Variants in STX18 observed in about 807,000 individuals in gnomAD.
The protein encoded by STX18 is syntaxin 18, also known as syntaxin-18.
STX18 carries 40 observed loss-of-function variants against 50.1 expected under a neutral mutation model. The observed-to-expected ratio is 0.80, with a 90% CI of 0.62 to 1.04. The LOEUF is 1.04. STX18 is among the 50% of genes least tolerant of loss of function. The pLI is 0.00. For missense variants in STX18, 410 were observed against 415.8 expected, an observed-to-expected ratio of 0.99 and a Z score of 0.12; for synonymous variants, 158 against 151.8, an observed-to-expected ratio of 1.04 and a Z score of -0.30.
chr4:4,441,784 G>C (rs977743667), intron 5 of STX18, among the ~76,000 whole-genome samples: 2 of 152,102 alleles, frequency 1.3e-5, no homozygotes, highest in African/African-American at 4.8e-5. Context: ...AAGCAAGAAT[G>C]GTCAGAAAAA....
intron 5 of STX18, among the ~76,000 whole-genome samples, chr4:4,448,143 G>A (rs1256445568): frequency 6.6e-6 from 1 of 152,120 alleles, no homozygotes; most frequent in East Asian, 1.9e-4. Context: ...AGACTGACCT[G>A]ATGCCCTCCC....
At chr4:4,458,787 A>G (rs1001606656) in intron 3 of STX18, among the ~76,000 whole-genome samples, 32 of 150,822 alleles carry the variant, frequency 2.1e-4, no homozygotes, top group African/African-American at 7.9e-4. Flanking sequence ...AGACAAAAAA[A>G]CAAGGCCCAG....
At chr4:4,505,623 T>TAA (rs56034157) in intron 1 of STX18, among the ~76,000 whole-genome samples, 1,830 of 135,040 alleles carry the variant, frequency 0.014, 16 homozygotes, top group Non-Finnish European at 0.02. Flanking sequence ...CTGCTAAAAA[T>TAA]AAAAAAAAAA....
At chr4:4,489,870 A>G (rs1274431328) in intron 1 of STX18, among the ~76,000 whole-genome samples, 1 of 152,218 alleles carries the variant, frequency 6.6e-6, no homozygotes, top group Non-Finnish European at 1.5e-5. Flanking sequence ...TTTTCATTCT[A>G]CATGAGTTCT....
intron 5 of STX18, among the ~76,000 whole-genome samples, chr4:4,440,501 G>A (rs188959038): frequency 9.2e-5 from 14 of 152,268 alleles, no homozygotes; most frequent in African/African-American, 3.4e-4. Flanking sequence ...CTCCATGTGG[G>A]GTATATTCTA....
At chr4:4,465,281 A>C (rs1443199887) in intron 2 of STX18, among the ~76,000 whole-genome samples, 3 of 152,208 alleles carry the variant, frequency 2.0e-5, no homozygotes, top group African/African-American at 7.2e-5. Context: ...TTCTATTATA[A>C]AGACACATGG....
intron 1 of STX18, among the ~76,000 whole-genome samples, chr4:4,472,355 A>C (rs1445760202): frequency 1.3e-5 from 2 of 152,216 alleles, no homozygotes; most frequent in Non-Finnish European, 2.9e-5. Flanking sequence ...ACAAATAAAT[A>C]AAAAGTGGTG....
intron 6 of STX18, chr4:4,437,568 A>G: frequency 1.0e-6 from 1 of 975,838 alleles, no homozygotes; most frequent in Non-Finnish European, 1.2e-6. Context: ...TTCAGATAAG[A>G]GATACTCAAC....
chr4:4,532,608 T>C lies in STX18; in HGVS notation c.168+9189A>G, dbSNP rs1330803577. Among the ~76,000 whole-genome samples, 4 of 152,262 alleles carry C rather than the reference T, an allele frequency of 2.6e-5. 1 individual carries two copies. Among genetic ancestry groups the C allele is most frequent in the Middle Eastern group, 6.8e-3 (2 of 294 alleles). On this transcript the variant is annotated intron_variant, in intron 1 of 10. Transcript: ENST00000306200. ...AGTACTGAGTCATGCAACCATCTCA[T>C]TGAAAAGGTCCTTATGGATTATCTA...
intron 6 of STX18, among the ~76,000 whole-genome samples, chr4:4,435,305 G>A (rs918347568): frequency 9.9e-5 from 15 of 151,740 alleles, no homozygotes; most frequent in African/African-American, 2.9e-4. Flanking sequence ...TATATATACA[G>A]GAAGTGATAT....
chr4:4,486,401 T>G (rs1728701172), intron 1 of STX18, among the ~76,000 whole-genome samples: 1 of 152,216 alleles, frequency 6.6e-6, no homozygotes, highest in Non-Finnish European at 1.5e-5. Flanking sequence ...AAGAAAAGAA[T>G]TACCTTGACA....
intron 1 of STX18, among the ~76,000 whole-genome samples, chr4:4,500,414 A>G (rs532819538): frequency 3.3e-5 from 5 of 152,324 alleles, no homozygotes; most frequent in African/African-American, 9.6e-5. Flanking sequence ...CCAAAACAGT[A>G]TAACAACTAT....
intron 2 of STX18, among the ~76,000 whole-genome samples, chr4:4,461,013 T>C (rs1304750980): frequency 6.6e-6 from 1 of 152,064 alleles, no homozygotes; most frequent in East Asian, 1.9e-4. Flanking sequence ...GTCAGAAAGG[T>C]ACCAACTCAG....
intron 8 of STX18, among the ~76,000 whole-genome samples, chr4:4,424,737 C>G (rs1025576848): frequency 6.6e-6 from 1 of 152,226 alleles, no homozygotes; most frequent in African/African-American, 2.4e-5. Context: ...TTCTGCATTC[C>G]TGACTCCCTG....
intron 5 of STX18, among the ~76,000 whole-genome samples, chr4:4,444,700 G>C (rs7666489): frequency 0.31 from 47,059 of 151,942 alleles, 9,175 homozygotes; most frequent in African/African-American, 0.56. Flanking sequence ...TGAGTTCCAT[G>C]AGTTCTTCTA....
At chr4:4,537,687 C>A (rs963051269) in intron 1 of STX18, among the ~76,000 whole-genome samples, 2 of 152,204 alleles carry the variant, frequency 1.3e-5, no homozygotes, top group African/African-American at 4.8e-5. Flanking sequence ...CTCATGTAGG[C>A]ACCTGCATAC....
chr4:4,426,165 T>C (rs563498722), intron 7 of STX18: 4 of 152,348 alleles, frequency 2.6e-5, no homozygotes, highest in African/African-American at 7.2e-5. Flanking sequence ...TATCTTAGGA[T>C]AGTAGCGCCC....
intron 1 of STX18, among the ~76,000 whole-genome samples, chr4:4,512,481 G>A (rs748259539): frequency 1.9e-4 from 29 of 152,164 alleles, no homozygotes; most frequent in Non-Finnish European, 5.9e-5. Flanking sequence ...GAGTGGGGAT[G>A]AGTTCCCAGG....
At chr4:4,460,387 AT>A (rs1449815169) in intron 2 of STX18, among the ~76,000 whole-genome samples, 1 of 151,974 alleles carries the variant, frequency 6.6e-6, no homozygotes, top group East Asian at 1.9e-4. Context: ...TCCTAAACCG[AT>A]TTTTCCCCCC....
Sources: gnomAD v4.1 joint callset for allele counts (sites outside exome capture counted in the v4.1 genomes callset) on GRCh38, gnomAD v4.1.1 for gene constraint, MANE v1.5 for transcripts, NCBI Gene and HGNC (gene_info 2026-07-23, HGNC 2026-07-21) for gene names.